The following TPRA1 variants were observed in gnomAD, a reference collection of about 807,000 sequenced individuals.
TPRA1 encodes transmembrane protein adipocyte-associated 1.
In TPRA1, 28 loss-of-function variants were observed where a neutral mutation model predicts 40.1. The ratio of observed to expected loss-of-function variants is 0.70; its 90% CI spans 0.52 to 0.96. TPRA1 has a LOEUF of 0.96. Ranked by LOEUF, TPRA1 falls within the 40% of genes least tolerant of loss-of-function variation. The probability of loss-of-function intolerance (pLI) is 0.00; values close to 1 mark genes in which losing one functional copy is unlikely to be tolerated. For missense variants in TPRA1, 441 were observed against 482.6 expected (o/e 0.91, Z 0.81); for synonymous variants, 219 against 209.7 (o/e 1.04, Z -0.38).
chr3:127,590,067 C>T lies in TPRA1; in HGVS notation c.-18+343G>A, dbSNP rs1392980954. On this transcript the variant is annotated intron_variant, in intron 1 of 10. Coordinates refer to ENST00000355552, the MANE Select transcript of TPRA1 (RefSeq NM_001136053.4). ...GCGGGCAGCCACCGTGGGGCTGGAGCCCGTGCCGCCACCCCGCGCCGGACC... is the reference window on the plus strand; with the variant it reads ...GCGGGCAGCCACCGTGGGGCTGGAGTCCGTGCCGCCACCCCGCGCCGGACC... 6.6e-5 allele frequency among the ~76,000 whole-genome samples: 10 copies of T among 152,340 alleles called. No homozygotes were observed. The East Asian group carries it at 1.9e-3, about 29-fold the overall frequency.
At chr3:127,594,722 A>G (rs1028166696), upstream of TPRA1, 22 of 152,336 alleles carry the variant, frequency 1.4e-4, no homozygotes, top group African/African-American at 5.1e-4. Context: ...AACTACGCCA[A>G]TGGGCAGTTC....
chr3:127,583,173 C>CA (rs1356390193), intron 1 of TPRA1, among the ~76,000 whole-genome samples: 1 of 149,894 alleles, frequency 6.7e-6, no homozygotes, highest in Non-Finnish European at 1.5e-5. Flanking sequence ...ATTAGCCAGG[C>CA]ATGGTGGTGC....
Position 127,573,393 on chromosome 3 carries a change from TG to T in TPRA1, c.*127del. ...CAGGGAGGTGGGGCCTCCAGACTCA[TG>T]GTGGGAACAGGGCCACACAGGGCTA... On this transcript the variant is annotated 3_prime_UTR_variant, in exon 11 of 11. Coordinates refer to ENST00000355552, the MANE Select transcript of TPRA1 (RefSeq NM_001136053.4). 7.8e-7 allele frequency: 1 copy of T among 1,281,676 alleles called. No homozygotes were observed. The highest frequency in any genetic ancestry group is 1.6e-5 in the South Asian group (1 of 63,582). The allele number at this position is 1,281,676 out of a possible 1,614,324, so 79.4% of individuals were successfully genotyped here. A position where few individuals can be genotyped will look rare whatever the true frequency, so the allele number is the denominator to read the frequency against.
intron 1 of TPRA1, among the ~76,000 whole-genome samples, chr3:127,584,447 T>TAAAAAAAAAAA (rs1163065087): frequency 4.8e-5 from 1 of 20,860 alleles, no homozygotes; most frequent in African/African-American, 2.1e-4. Flanking sequence ...AGACCCTGTC[T>TAAAAAAAAAAA]AAAAAAAAAA....
chr3:127,578,106 G>A (rs1576373134), intron 3 of TPRA1, among the ~76,000 whole-genome samples: 2 of 101,140 alleles, frequency 2.0e-5, no homozygotes, highest in Non-Finnish European at 2.5e-5. Context: ...CAGTTTCTCA[G>A]TCAAAAACTG....
chr3:127,576,740 GACC>G lies in TPRA1; in HGVS notation c.419-47_419-45del. The G allele has an allele frequency of 6.2e-7, 1 of 1,610,912 alleles. No individual in the cohort carries two copies. Among genetic ancestry groups the G allele is most frequent in the Non-Finnish European group, 8.5e-7 (1 of 1,178,598 alleles). On this transcript the variant is annotated intron_variant, in intron 5 of 10. Transcript: ENST00000355552. The surrounding 1 kb of genome is among the most constrained non-coding windows in gnomAD (Gnocchi z 4.6). ...TCAGCAGGCAGGAGCCAGCCCAGGT[GACC>G]ACTCCAGAGTCAGCCCACAGCCAGG...
chr3:127,590,821 GAAA>G (rs34198260), upstream of TPRA1: 7 of 145,786 alleles, frequency 4.8e-5, no homozygotes, highest in South Asian at 2.1e-4. Context: ...ATCACTGGGG[GAAA>G]AAAAAAAAAA....
chr3:127,573,917 G>A, intron 10 of TPRA1, 129 bp from the exon 11 acceptor site: 1 of 1,250,636 alleles, frequency 8.0e-7, no homozygotes, highest in Non-Finnish European at 1.1e-6. Context: ...CACTCTGAGT[G>A]GGCCTGTGAG....
intron 1 of TPRA1, among the ~76,000 whole-genome samples, chr3:127,582,119 C>T (rs2073852267): frequency 6.6e-6 from 1 of 152,048 alleles, no homozygotes; most frequent in South Asian, 2.1e-4. Context: ...GGTGGGGGGA[C>T]TTAGGAATAT....
chr3:127,584,210 T>C (rs1576387184), intron 1 of TPRA1, among the ~76,000 whole-genome samples: 1 of 144,508 alleles, frequency 6.9e-6, no homozygotes, highest in Admixed American at 6.8e-5. Context: ...GAGGCCGAGG[T>C]GGGAGGATCA....
intron 1 of TPRA1, among the ~76,000 whole-genome samples, chr3:127,582,105 CAG>C (rs1180735984): frequency 6.6e-6 from 1 of 152,092 alleles, no homozygotes; most frequent in Non-Finnish European, 1.5e-5. Flanking sequence ...CAGCCCAAGA[CAG>C]GGGTGGGGGG....
At position 127,580,139 on chromosome 3, in the gene TPRA1, G is replaced by T. The variant is rs1232403121; in HGVS notation, c.8C>A (p.Thr3Asn). Residue 3 changes from threonine to asparagine, a missense_variant, in exon 2 of 11, where the codon ACC (threonine) becomes AAC (asparagine). Coordinates refer to ENST00000355552, the MANE Select transcript of TPRA1 (RefSeq NM_001136053.4). MD[T>N]LEEVTWANGS... ...ATTGGCCCAAGTCACCTCCTCCAGG[G>T]TGTCCATCCCGCCAGCAGCCAGCCC... The T allele has an allele frequency of 1.9e-6, 3 of 1,612,494 alleles. No individual in the cohort carries two copies. Among genetic ancestry groups the T allele is most frequent in the Non-Finnish European group, 2.5e-6 (3 of 1,179,922 alleles).
intron 1 of TPRA1, among the ~76,000 whole-genome samples, chr3:127,585,966 A>G (rs941749024): frequency 3.7e-4 from 56 of 152,316 alleles, no homozygotes; most frequent in African/African-American, 1.3e-3. Flanking sequence ...AAATGTCTGC[A>G]ATGCATAGGA....
At chr3:127,592,149 C>A (rs570104902), upstream of TPRA1, among the ~76,000 whole-genome samples, 6 of 152,308 alleles carry the variant, frequency 3.9e-5, no homozygotes, top group Non-Finnish European at 7.3e-5. Flanking sequence ...TCAAGTTCCT[C>A]CCAGAAAGTT....
intron 7 of TPRA1, 21 bp from the exon 8 acceptor site, chr3:127,575,830 G>A: frequency 6.2e-7 from 1 of 1,613,786 alleles, no homozygotes; most frequent in African/African-American, 1.3e-5. Context: ...AGGCAGGGCT[G>A]AGAAGGTGCT....
chr3:127,574,846 A>T, intron 10 of TPRA1: 1 of 385,348 alleles, frequency 2.6e-6, no homozygotes. Flanking sequence ...GCACGTGTTC[A>T]TGTGTGTATG....
rs2073408093 is a variant in TPRA1 at position 127,572,640 on chromosome 3, A to T, written c.*881T>A. Reference sequence around the variant, plus strand: ...ATAAGAGCTATCCTTATCGTTCATTACTGTACGCCAGCCACTCGTGCTTAG... The same window carrying T: ...ATAAGAGCTATCCTTATCGTTCATTTCTGTACGCCAGCCACTCGTGCTTAG... On this transcript the variant is annotated 3_prime_UTR_variant, in exon 11 of 11. Transcript: ENST00000355552. Among the ~76,000 whole-genome samples the T allele has an allele frequency of 6.6e-6, 1 of 152,212 alleles. No homozygotes were observed. Among genetic ancestry groups the T allele is most frequent in the Non-Finnish European group, 1.5e-5 (1 of 68,036 alleles).
Position 127,572,843 on chromosome 3 carries a change from T to A in TPRA1, c.*678A>T, listed in dbSNP as rs951165408. On this transcript the variant is annotated 3_prime_UTR_variant, in exon 11 of 11. Transcript: ENST00000355552. Reference sequence around the variant, plus strand: ...TGGCTCACAAAACATAGTTCTCCTCTCTCTCCATGTCTGTCCCCCCTACTC... The same window carrying A: ...TGGCTCACAAAACATAGTTCTCCTCACTCTCCATGTCTGTCCCCCCTACTC... Among the ~76,000 whole-genome samples, 1 of 152,090 alleles carries A rather than the reference T, an allele frequency of 6.6e-6. No homozygotes were observed. The highest frequency in any genetic ancestry group is 2.4e-5 in the African/African-American group (1 of 41,396).
At chr3:127,590,239 C>A (rs1236254748) in intron 1 of TPRA1, among the ~76,000 whole-genome samples, 171 bp downstream of exon 1, 1 of 152,192 alleles carries the variant, frequency 6.6e-6, no homozygotes, top group African/African-American at 2.4e-5. Flanking sequence ...TGGGTTCCCA[C>A]ATCCAGGGCC....
Sources: gnomAD v4.1 joint callset for allele counts (sites outside exome capture counted in the v4.1 genomes callset) on GRCh38, gnomAD v4.1.1 for gene constraint, Gnocchi (gnomAD v3.1) non-coding constraint, MANE v1.5 for transcripts, NCBI Gene and HGNC (gene_info 2026-07-23, HGNC 2026-07-21) for gene names.